The following LRRC9 variants were observed in gnomAD, a reference collection of about 807,000 sequenced individuals.
LRRC9 encodes leucine rich repeat containing 9, also known as leucine-rich repeat-containing protein 9.
LRRC9 carries 122 observed loss-of-function variants against 63.2 expected under a neutral mutation model. The observed-to-expected ratio is 1.93, with a 90% CI of 1.67 to 2.24. The LOEUF (loss-of-function observed/expected upper bound fraction) is 2.24. LRRC9 is among the 30% of genes most tolerant of loss of function. The pLI is 0.00. For synonymous variants in LRRC9, 366 were observed against 213.1 expected, an observed-to-expected ratio of 1.72 and a Z score of -6.25; for missense variants, 1,071 against 627.7, an observed-to-expected ratio of 1.71 and a Z score of -7.55.
At chr14:60,045,586 C>T (rs948316346) in intron 29 of LRRC9, among the ~76,000 whole-genome samples, 2 of 152,096 alleles carry the variant, frequency 1.3e-5, no homozygotes, top group Non-Finnish European at 2.9e-5. Flanking sequence ...TATCCATGTC[C>T]CTGCAAAGGA....
At chr14:59,963,021 T>A (rs1884497263) in intron 10 of LRRC9, among the ~76,000 whole-genome samples, 1 of 152,256 alleles carries the variant, frequency 6.6e-6, no homozygotes, top group African/African-American at 2.4e-5. Flanking sequence ...TGATCTTTTA[T>A]GTATGTTAAG....
In LRRC9 at chr14:59,923,238, T is replaced by G. The variant is rs1209586168; in HGVS notation, c.-34+3355T>G. Reference sequence around the variant, plus strand: ...GTGATTCAGAAATAGTTATACAACTTATAGAATTTGGGGTTTTTAAATTAA... The same window carrying G: ...GTGATTCAGAAATAGTTATACAACTGATAGAATTTGGGGTTTTTAAATTAA... On this transcript the variant is annotated intron_variant, in intron 1 of 31. Transcript: ENST00000445360. The surrounding 1 kb of genome is among the most constrained non-coding windows in gnomAD (Gnocchi z 4.2). Among the ~76,000 whole-genome samples, 2 of 152,228 alleles carry G rather than the reference T, an allele frequency of 1.3e-5. No homozygotes were observed.
intron 19 of LRRC9, 69 bp from the exon 20 acceptor site, chr14:60,001,897 T>G (rs1889399702): frequency 4.5e-6 from 2 of 440,174 alleles, no homozygotes; most frequent in South Asian, 5.6e-5. Context: ...AAACAATAAT[T>G]TTAACTATAT....
rs1454960818 is a variant in LRRC9, at chr14:60,017,204, A to G, written c.3317+414A>G. Among the ~76,000 whole-genome samples the G allele has an allele frequency of 6.6e-6, 1 of 152,018 alleles. No homozygotes were observed. Among genetic ancestry groups the G allele is most frequent in the Admixed American group, 6.6e-5 (1 of 15,232 alleles). ...AGCCTAAAATTAAAAATTCCTTTGT[A>G]TGGCATAAAAGACTCTTTATTATCT... On this transcript the variant is annotated intron_variant, in intron 24 of 31. Coordinates refer to ENST00000445360, the Ensembl canonical transcript of LRRC9. The surrounding 1 kb of genome is among the most constrained non-coding windows in gnomAD (Gnocchi z 4.0).
intron 29 of LRRC9, among the ~76,000 whole-genome samples, chr14:60,048,223 A>G (rs1282289313): frequency 6.6e-6 from 1 of 152,162 alleles, no homozygotes; most frequent in Non-Finnish European, 1.5e-5. Context: ...CATCACAACC[A>G]AAAGAACTAG....
intron 31 of LRRC9, among the ~76,000 whole-genome samples, chr14:60,061,418 T>A (rs1894651513): frequency 6.6e-6 from 1 of 152,230 alleles, no homozygotes; most frequent in Non-Finnish European, 1.5e-5. Context: ...AACATTCACA[T>A]GATCATTAGC....
intron 6 of LRRC9, among the ~76,000 whole-genome samples, chr14:59,937,016 T>G (rs1319617007): frequency 6.6e-6 from 1 of 152,140 alleles, no homozygotes; most frequent in African/African-American, 2.4e-5. Flanking sequence ...GGCACCATCC[T>G]GGTAATGAGA....
At position 59,927,547 on chromosome 14, in the gene LRRC9, G is replaced by A. The variant is rs541825119; in HGVS notation, c.-33-364G>A. ...AAGGACAACTAGAGCCTGTTCAAAG[G>A]AGAGAAACATGAGTATATAGTGAGA... On this transcript the variant is annotated intron_variant, in intron 1 of 31. Coordinates refer to ENST00000445360, the Ensembl canonical transcript of LRRC9. This position sits in a 1 kb window ranked among gnomAD's most constrained non-coding sequence, Gnocchi z 4.4. Among the ~76,000 whole-genome samples the A allele has an allele frequency of 6.6e-6, 1 of 152,112 alleles. No individual in the cohort carries two copies. Among genetic ancestry groups the A allele is most frequent in the East Asian group, 1.9e-4 (1 of 5,170 alleles).
At chr14:60,049,990 C>CATTTTATTTT (rs201161813) in intron 29 of LRRC9, among the ~76,000 whole-genome samples, 2 of 151,436 alleles carry the variant, frequency 1.3e-5, no homozygotes, top group African/African-American at 4.9e-5. Context: ...TTCTATCTGT[C>CATTTTATTTT]ATTTTATTTT....
In LRRC9 at chr14:60,057,825, T is replaced by C. The variant is rs1408868486; in HGVS notation, c.4132-53T>C. 17 of 582,444 alleles carry C rather than the reference T, an allele frequency of 2.9e-5. No individual in the cohort carries two copies. The East Asian group carries it at 4.2e-4, about 14-fold the overall frequency. 36.1% of individuals were successfully genotyped at this position (582,444 alleles called of 1,614,324 possible). On this transcript the variant is annotated intron_variant, in intron 30 of 31. Coordinates refer to ENST00000445360, the Ensembl canonical transcript of LRRC9. ...GACTTGTTATAAGGATTAAGCCTATTGATCTGAGTTTTGGAGATGAGATGT... is the reference window on the plus strand; with the variant it reads ...GACTTGTTATAAGGATTAAGCCTATCGATCTGAGTTTTGGAGATGAGATGT...
At position 60,060,833 on chromosome 14, in the gene LRRC9, G is replaced by A. The variant is rs528357815; in HGVS notation, c.4277-2490G>A. On this transcript the variant is annotated intron_variant, in intron 31 of 31. Coordinates refer to ENST00000445360, the Ensembl canonical transcript of LRRC9. This position sits in a 1 kb window ranked among gnomAD's most constrained non-coding sequence, Gnocchi z 4.0. ...CTGGAAAGGATTCACCATTCTAGAC[G>A]CCATTAAAAACATTTGTAATTCATC... 6.6e-6 allele frequency among the ~76,000 whole-genome samples: 1 copy of A among 152,154 alleles called. No individual in the cohort carries two copies. Among genetic ancestry groups the A allele is most frequent in the African/African-American group, 2.4e-5 (1 of 41,428 alleles).
downstream of LRRC9, among the ~76,000 whole-genome samples, chr14:60,066,081 C>T (rs531341022): frequency 6.6e-6 from 1 of 152,112 alleles, no homozygotes; most frequent in African/African-American, 2.4e-5. Flanking sequence ...GCTCCCGCAA[C>T]GTGCTGGGAT....
In LRRC9 at chr14:60,062,121, C is replaced by T. The variant is rs964936926; in HGVS notation, c.4277-1202C>T. ...AAGTATCTCTCCATCTCTTTTATCA[C>T]ATCAGAATATTGCATCTCCTACTGC... is the stretch of plus-strand genomic sequence containing the variant. On this transcript the variant is annotated intron_variant, in intron 31 of 31. Transcript: ENST00000445360. 1.8e-5 allele frequency: 7 copies of T among 398,788 alleles called. No homozygotes were observed. In the Admixed American group the frequency reaches 3.1e-4, roughly 18 times the overall value. 24.7% of individuals were successfully genotyped at this position (398,788 alleles called of 1,614,324 possible).
At position 60,042,079 on chromosome 14, in the gene LRRC9, G is replaced by A. The variant is rs1239001955; in HGVS notation, c.3990+10016G>A. Among the ~76,000 whole-genome samples the A allele has an allele frequency of 6.6e-6, 1 of 152,188 alleles. No individual in the cohort carries two copies. Among genetic ancestry groups the A allele is most frequent in the Non-Finnish European group, 1.5e-5 (1 of 68,040 alleles). On this transcript the variant is annotated intron_variant, in intron 29 of 31. Coordinates refer to ENST00000445360, the Ensembl canonical transcript of LRRC9. This position sits in a 1 kb window ranked among gnomAD's most constrained non-coding sequence, Gnocchi z 4.2. ...GCAGAACAGCAAAGATTGCAGAACG[G>A]CAAATGTTGCTGCTTGATCCTTCCT...
intron 1 of LRRC9, among the ~76,000 whole-genome samples, chr14:59,921,390 G>A (rs1442823802): frequency 6.6e-6 from 1 of 152,092 alleles, no homozygotes; most frequent in Non-Finnish European, 1.5e-5. Context: ...CAGACTACAG[G>A]GAGGACATCA....
At chr14:60,064,334 T>C (rs1357753964), downstream of LRRC9, among the ~76,000 whole-genome samples, 3 of 152,212 alleles carry the variant, frequency 2.0e-5, no homozygotes, top group Non-Finnish European at 2.9e-5. Flanking sequence ...AAGTATTCTA[T>C]TCAAAATTTT....
chr14:59,938,849 G>T lies in LRRC9; in HGVS notation c.726+277G>T, dbSNP rs1020042680. Among the ~76,000 whole-genome samples, 1 of 117,574 alleles carries T rather than the reference G, an allele frequency of 8.5e-6. No homozygotes were observed. Among genetic ancestry groups the T allele is most frequent in the Non-Finnish European group, 1.7e-5 (1 of 57,618 alleles). The allele number at this position is 117,574 out of a possible 152,430, so 77.1% of individuals were successfully genotyped here. Reference sequence around the variant, plus strand: ...AGAAGGAAATTGAAAAAAAATCAGTGTTAAAAATAGACTAGTGCCATATAT... The same window carrying T: ...AGAAGGAAATTGAAAAAAAATCAGTTTTAAAAATAGACTAGTGCCATATAT... On this transcript the variant is annotated intron_variant, in intron 7 of 31. Coordinates refer to ENST00000445360, the Ensembl canonical transcript of LRRC9. The surrounding 1 kb of genome is among the most constrained non-coding windows in gnomAD (Gnocchi z 4.2).
intron 27 of LRRC9, among the ~76,000 whole-genome samples, chr14:60,026,207 A>G (rs1253112371): frequency 2.0e-5 from 3 of 152,124 alleles, no homozygotes; most frequent in African/African-American, 7.2e-5. Context: ...AAGCACACAG[A>G]AAGATGAATG....
intron 26 of LRRC9, among the ~76,000 whole-genome samples, chr14:60,021,089 C>A (rs1891083438): frequency 6.6e-6 from 1 of 151,858 alleles, no homozygotes; most frequent in South Asian, 2.1e-4. Flanking sequence ...AAAATGGTTG[C>A]ACCATTTTTC....
Sources: allele counts gnomAD v4.1 joint callset (sites outside exome capture counted in the v4.1 genomes callset), GRCh38; gene constraint gnomAD v4.1.1; non-coding constraint Gnocchi (gnomAD v3.1); transcripts MANE v1.5; gene names NCBI Gene and HGNC (gene_info 2026-07-23, HGNC 2026-07-21).